The following DNAJA2 variants were observed in gnomAD, a reference collection of about 807,000 sequenced individuals.
DNAJA2 encodes the protein DnaJ heat shock protein family (Hsp40) member A2.
A neutral mutation model predicts 49.3 loss-of-function variants in DNAJA2; 6 were observed. The ratio of observed to expected loss-of-function variants is 0.12; its 90% CI spans 0.07 to 0.24. The LOEUF (loss-of-function observed/expected upper bound fraction) is 0.24. DNAJA2 is among the 10% of genes least tolerant of loss of function. DNAJA2 has a pLI of 1.00. For synonymous variants in DNAJA2, 160 were observed against 172.7 expected (o/e 0.93, Z 0.58); for missense variants, 347 against 516.8 (o/e 0.67, Z 3.19).
intron 6 of DNAJA2, 101 bp downstream of exon 6, chr16:46,964,510 G>T: frequency 8.8e-7 from 1 of 1,142,166 alleles, no homozygotes; most frequent in Non-Finnish European, 1.2e-6. Context: ...CCAGTGTTCA[G>T]TGTTGCTCCA....
intron 1 of DNAJA2, 40 bp from the exon 2 acceptor site, chr16:46,971,995 C>T (rs1448347166): frequency 2.1e-6 from 3 of 1,411,168 alleles, no homozygotes; most frequent in South Asian, 2.3e-5. Flanking sequence ...TATAACTAAA[C>T]ACCAGTTAAA....
intron 6 of DNAJA2, among the ~76,000 whole-genome samples, chr16:46,963,330 C>T (rs1401558848): frequency 1.3e-5 from 2 of 151,922 alleles, no homozygotes; most frequent in African/African-American, 4.8e-5. Flanking sequence ...CTACAGTATA[C>T]AATATGGACA....
In DNAJA2 at chr16:46,969,556, T is replaced by C. The variant is rs533934847; in HGVS notation, c.363-1392A>G. On this transcript the variant is annotated intron_variant, in intron 3 of 8. Coordinates refer to ENST00000317089, the MANE Select transcript of DNAJA2 (RefSeq NM_005880.4). ...GTTTGGCAAGGCTGGCACTCTCCAC[T>C]AGTGGGGCCTAAACTGGCACAATCC... 9.2e-5 allele frequency among the ~76,000 whole-genome samples: 14 copies of C among 152,336 alleles called. No individual in the cohort carries two copies. The South Asian group carries it at 2.1e-3, about 23-fold the overall frequency.
chr16:46,968,780 C>T (rs1250334869), intron 3 of DNAJA2, among the ~76,000 whole-genome samples: 1 of 152,174 alleles, frequency 6.6e-6, no homozygotes, highest in Non-Finnish European at 1.5e-5. Flanking sequence ...GGTGCAGTGG[C>T]TCATGCCTAT....
intron 3 of DNAJA2, 81 bp downstream of exon 3, chr16:46,971,268 T>G: frequency 1.0e-4 from 126 of 1,243,786 alleles, no homozygotes; most frequent in Non-Finnish European, 1.3e-4. Context: ...GAACACTCTA[T>G]GAGATTTTTC....
chr16:46,966,669 G>T (rs911283118), intron 5 of DNAJA2, among the ~76,000 whole-genome samples: 1 of 152,312 alleles, frequency 6.6e-6, no homozygotes, highest in South Asian at 2.1e-4. Context: ...AAAGGTCAGA[G>T]ATGAGTAGTT....
chr16:46,966,405 T>C (rs1342949977), intron 5 of DNAJA2, among the ~76,000 whole-genome samples: 1 of 152,226 alleles, frequency 6.6e-6, no homozygotes, highest in South Asian at 2.1e-4. Context: ...TACTTGTTTA[T>C]GTTTAAATTA....
chr16:46,973,289 G>A (rs1191403570), intron 1 of DNAJA2, among the ~76,000 whole-genome samples: 4 of 151,384 alleles, frequency 2.6e-5, no homozygotes, highest in African/African-American at 9.7e-5. Flanking sequence ...GCGGGCGGGC[G>A]GGGCCGGCGG....
At chr16:46,971,260 A>G in intron 3 of DNAJA2, 89 bp downstream of exon 3, 2 of 1,127,494 alleles carry the variant, frequency 1.8e-6, no homozygotes, top group Non-Finnish European at 2.5e-6. Context: ...GAAGGACAGA[A>G]CACTCTATGA....
In DNAJA2 at chr16:46,955,825, C is replaced by T. The variant is rs1428098822; in HGVS notation, c.*1204G>A. ...AAGAGAAACACAACATCCGTTTCAT[C>T]AATTTTACCTGATTTTTCTCAAACC... On this transcript the variant is annotated 3_prime_UTR_variant, in exon 9 of 9. Coordinates refer to ENST00000317089, the MANE Select transcript of DNAJA2 (RefSeq NM_005880.4). 6.6e-6 allele frequency: 1 copy of T among 151,756 alleles called. No individual in the cohort carries two copies. The highest frequency in any genetic ancestry group is 1.5e-5 in the Non-Finnish European group (1 of 67,936). The allele number at this position is 151,756 out of a possible 1,614,324, so 9.4% of individuals were successfully genotyped here.
chr16:46,968,044 A>G lies in DNAJA2; in HGVS notation c.443+40T>C, dbSNP rs891352559. On this transcript the variant is annotated intron_variant, in intron 4 of 8. Transcript: ENST00000317089. ...GACATTCAGTGTGATACTTAAAAGA[A>G]CAGACAAAATGTACCCAATAAACCA... 10 of 1,506,678 alleles carry G rather than the reference A, an allele frequency of 6.6e-6. No individual in the cohort carries two copies. In the African/African-American group the frequency reaches 1.4e-4, roughly 21 times the overall value. The allele number at this position is 1,506,678 out of a possible 1,614,324, so 93.3% of individuals were successfully genotyped here.
intron 5 of DNAJA2, among the ~76,000 whole-genome samples, chr16:46,965,227 A>G (rs1476958435): frequency 6.6e-6 from 1 of 152,200 alleles, no homozygotes; most frequent in Non-Finnish European, 1.5e-5. Context: ...AACAAAAAAA[A>G]GCACTATTCT....
intron 8 of DNAJA2, among the ~76,000 whole-genome samples, chr16:46,957,528 G>A (rs920658649): frequency 6.6e-6 from 1 of 151,862 alleles, no homozygotes; most frequent in Admixed American, 6.6e-5. Context: ...GCTTGAACCT[G>A]GGAGGTGGAA....
chr16:46,963,213 C>G (rs980149248), intron 6 of DNAJA2, among the ~76,000 whole-genome samples: 1 of 152,120 alleles, frequency 6.6e-6, no homozygotes. Context: ...TAAATGTGAT[C>G]AAGTACAAAG....
At chr16:46,967,030 TCTA>T (rs1056326157) in intron 5 of DNAJA2, among the ~76,000 whole-genome samples, 14 of 152,198 alleles carry the variant, frequency 9.2e-5, no homozygotes, top group African/African-American at 3.4e-4. Context: ...ACAATACAAA[TCTA>T]CTGTTTCTCT....
At chr16:46,959,229 T>G in intron 7 of DNAJA2, 46 bp downstream of exon 7, 1 of 1,582,854 alleles carries the variant, frequency 6.3e-7, no homozygotes, top group Non-Finnish European at 8.6e-7. Context: ...TTGTAATTTT[T>G]TTCAAAAATA....
chr16:46,966,627 A>T (rs1232738149), intron 5 of DNAJA2, among the ~76,000 whole-genome samples: 3 of 152,222 alleles, frequency 2.0e-5, no homozygotes, highest in Non-Finnish European at 4.4e-5. Flanking sequence ...GAACACAGCC[A>T]TATCCATGTG....
chr16:46,970,159 T>C (rs8054039), intron 3 of DNAJA2, among the ~76,000 whole-genome samples: 129,916 of 152,224 alleles, frequency 0.85, 57,097 homozygotes, highest in East Asian at 0.98. Flanking sequence ...CATTTATTGG[T>C]CCATGAAAAA....
rs1961822971 is a variant in DNAJA2 at position 46,956,880 on chromosome 16, G to C, written c.*149C>G. 8 of 813,634 alleles carry C rather than the reference G, an allele frequency of 9.8e-6. No individual in the cohort carries two copies. In the South Asian group the frequency reaches 1.3e-4, roughly 13 times the overall value. The allele number at this position is 813,634 out of a possible 1,614,324, so 50.4% of individuals were successfully genotyped here. A position where few individuals can be genotyped will look rare whatever the true frequency, so the allele number is the denominator to read the frequency against. ...GTGGTTAGTTTAAATTATACACTCT[G>C]TAGATACTATACCAATTTTAAAAGT... On this transcript the variant is annotated 3_prime_UTR_variant, in exon 9 of 9. Transcript: ENST00000317089.
Sources: gnomAD v4.1 joint callset for allele counts (sites outside exome capture counted in the v4.1 genomes callset) on GRCh38, gnomAD v4.1.1 for gene constraint, MANE v1.5 for transcripts, NCBI Gene and HGNC (gene_info 2026-07-23, HGNC 2026-07-21) for gene names.